The following GAB2 variants were observed in gnomAD, a reference collection of about 807,000 sequenced individuals.
GAB2 encodes GRB2-associated-binding protein 2.
In GAB2, 26 loss-of-function variants were observed where a neutral mutation model predicts 65.5. The observed-to-expected ratio is 0.40, with a 90% confidence interval of 0.29 to 0.55. GAB2 has a LOEUF of 0.55. Among genes scored for constraint, GAB2 ranks in the 20% least tolerant of loss-of-function variants. GAB2 has a pLI of 0.53. For missense variants in GAB2, 884 were observed against 875.8 expected (o/e 1.01, Z -0.12); for synonymous variants, 321 against 329.6 (o/e 0.97, Z 0.28).
intron 2 of GAB2, among the ~76,000 whole-genome samples, chr11:78,271,332 C>T (rs1590985906): frequency 6.6e-6 from 1 of 152,196 alleles, no homozygotes; most frequent in Admixed American, 6.5e-5. Context: ...TTCATTTGTA[C>T]ACACAAAATA....
intron 2 of GAB2, among the ~76,000 whole-genome samples, chr11:78,250,699 G>C (rs180793031): frequency 1.3e-5 from 2 of 152,224 alleles, no homozygotes; most frequent in Admixed American, 1.3e-4. Flanking sequence ...GTGTGACCCT[G>C]ACCCTCAGGC....
chr11:78,283,843 CA>C (rs1866399534), intron 1 of GAB2, among the ~76,000 whole-genome samples: 1 of 152,134 alleles, frequency 6.6e-6, no homozygotes, highest in Non-Finnish European at 1.5e-5. Flanking sequence ...ACCTCCCTGA[CA>C]TCCGAACATT....
At chr11:78,311,236 G>T (rs1463772986) in intron 1 of GAB2, among the ~76,000 whole-genome samples, 1 of 152,032 alleles carries the variant, frequency 6.6e-6, no homozygotes, top group African/African-American at 2.4e-5. Context: ...CACTTATTAG[G>T]TACATTTTAT....
intron 1 of GAB2, among the ~76,000 whole-genome samples, chr11:78,323,892 G>A (rs1855775386): frequency 6.9e-6 from 1 of 145,598 alleles, no homozygotes; most frequent in African/African-American, 2.5e-5. Flanking sequence ...CCGCCTCCCG[G>A]GTTCAAGCAA....
At chr11:78,401,119 A>C (rs2135080041) in intron 1 of GAB2, among the ~76,000 whole-genome samples, 1 of 152,214 alleles carries the variant, frequency 6.6e-6, no homozygotes, top group Admixed American at 6.5e-5. Flanking sequence ...AGGTTTAAAA[A>C]AAAAAAACTG....
chr11:78,226,311 G>C (rs527295159), intron 4 of GAB2, among the ~76,000 whole-genome samples, 154 bp downstream of exon 4: 2 of 152,286 alleles, frequency 1.3e-5, no homozygotes, highest in East Asian at 3.9e-4. Flanking sequence ...ACTGGTAAGG[G>C]ATCTGGGTAG....
At chr11:78,339,719 T>A (rs994291411) in intron 1 of GAB2, among the ~76,000 whole-genome samples, 3 of 152,074 alleles carry the variant, frequency 2.0e-5, no homozygotes, top group Admixed American at 6.5e-5. Context: ...AGAGCAAACA[T>A]CCCCTCTACA....
chr11:78,318,929 A>C (rs1440804030), intron 1 of GAB2, among the ~76,000 whole-genome samples: 1 of 152,184 alleles, frequency 6.6e-6, no homozygotes, highest in Non-Finnish European at 1.5e-5. Flanking sequence ...ACAACAATCA[A>C]GAATGGAGAA....
Position 78,407,633 on chromosome 11 carries a change from C to CAAAAAAAGAAAGAAAGAAAGAAAG in GAB2, c.75+10012_75+10013insCTTTCTTTCTTTCTTTCTTTTTTT, listed in dbSNP as rs1555001651. On this transcript the variant is annotated intron_variant, in intron 1 of 9. Coordinates refer to ENST00000361507, the MANE Select transcript of GAB2 (RefSeq NM_080491.3). ...GGGTGACAAGAGTGAAACTCCTTCT[C>CAAAAAAAGAAAGAAAGAAAGAAAG]AAAGAAAGAAAGAAAGAAAGAAAGT... Among the ~76,000 whole-genome samples, 189 of 93,390 alleles carry CAAAAAAAGAAAGAAAGAAAGAAAG rather than the reference C, an allele frequency of 2.0e-3. 1 individual carries two copies. Among genetic ancestry groups the CAAAAAAAGAAAGAAAGAAAGAAAG allele is most frequent in the African/African-American group, 6.4e-3 (182 of 28,408 alleles). 61.3% of individuals were successfully genotyped at this position (93,390 alleles called of 152,430 possible).
intron 3 of GAB2, among the ~76,000 whole-genome samples, chr11:78,228,170 C>G (rs986885321): frequency 6.6e-6 from 1 of 152,144 alleles, no homozygotes; most frequent in African/African-American, 2.4e-5. Context: ...CATCTGGCCC[C>G]GATGCTCTAC....
chr11:78,406,446 T>C (rs549761385), intron 1 of GAB2, among the ~76,000 whole-genome samples: 2 of 152,212 alleles, frequency 1.3e-5, no homozygotes, highest in South Asian at 4.1e-4. Context: ...GGCATGATCT[T>C]GGCTCAGAGC....
At chr11:78,282,293 T>C (rs1866356685) in intron 1 of GAB2, among the ~76,000 whole-genome samples, 1 of 151,662 alleles carries the variant, frequency 6.6e-6, no homozygotes, top group Non-Finnish European at 1.5e-5. Context: ...TGCTTTACCA[T>C]TGACTGGCTG....
At chr11:78,392,578 T>C (rs1200328551) in intron 1 of GAB2, among the ~76,000 whole-genome samples, 1 of 152,072 alleles carries the variant, frequency 6.6e-6, no homozygotes, top group Non-Finnish European at 1.5e-5. Flanking sequence ...GAATGATCGA[T>C]AGAGTCTGAG....
At chr11:78,363,872 C>G (rs2134720040) in intron 1 of GAB2, 1 of 152,210 alleles carries the variant, frequency 6.6e-6, no homozygotes, top group South Asian at 2.1e-4. Flanking sequence ...GCATGAGCCA[C>G]TGTGCCTGGC....
chr11:78,405,064 TC>T (rs548748002), intron 1 of GAB2, among the ~76,000 whole-genome samples: 126 of 149,256 alleles, frequency 8.4e-4, no homozygotes, highest in Non-Finnish European at 1.7e-3. Flanking sequence ...AGAATCCTAA[TC>T]CACAGAATGT....
chr11:78,255,230 A>G (rs1255414421), intron 2 of GAB2, among the ~76,000 whole-genome samples: 1 of 152,174 alleles, frequency 6.6e-6, no homozygotes, highest in East Asian at 1.9e-4. Context: ...ACCAGGAACT[A>G]ACGGAAAGGT....
chr11:78,316,032 C>T (rs924356607), intron 1 of GAB2, among the ~76,000 whole-genome samples: 1 of 152,128 alleles, frequency 6.6e-6, no homozygotes, highest in South Asian at 2.1e-4. Flanking sequence ...TCCTTCTCCC[C>T]ACTCCCCCTC....
intron 1 of GAB2, among the ~76,000 whole-genome samples, chr11:78,282,151 C>T (rs184197511): frequency 1.3e-5 from 2 of 152,254 alleles, no homozygotes; most frequent in East Asian, 3.9e-4. Flanking sequence ...CCATTCCATA[C>T]CACAGAATTG....
chr11:78,363,229 T>C (rs767302167), intron 1 of GAB2, among the ~76,000 whole-genome samples: 3 of 152,216 alleles, frequency 2.0e-5, no homozygotes, highest in Non-Finnish European at 4.4e-5. Context: ...AAGTTACACA[T>C]GAGCTGCATA....
Sources: gnomAD v4.1 joint callset for allele counts (sites outside exome capture counted in the v4.1 genomes callset) on GRCh38, gnomAD v4.1.1 for gene constraint, MANE v1.5 for transcripts, NCBI Gene and HGNC (gene_info 2026-07-23, HGNC 2026-07-21) for gene names.